Variants in ZNF385D observed in about 807,000 individuals in gnomAD.
ZNF385D encodes zinc finger protein 659.
Under a neutral mutation model 35.8 loss-of-function variants are expected in ZNF385D, and 15 were observed. The ratio of observed to expected loss-of-function variants is 0.42; its 90% CI spans 0.28 to 0.64. ZNF385D has a LOEUF of 0.64. Ranked by LOEUF, ZNF385D falls within the 30% of genes least tolerant of loss-of-function variation. ZNF385D has a pLI of 0.23. For synonymous variants in ZNF385D, 212 were observed against 186.8 expected (o/e 1.13, Z -1.10); for missense variants, 474 against 494.6 (o/e 0.96, Z 0.39).
At chr3:21,707,732 T>G (rs2067959723) in intron 1 of ZNF385D, among the ~76,000 whole-genome samples, 2 of 152,250 alleles carry the variant, frequency 1.3e-5, no homozygotes, top group South Asian at 4.1e-4. Flanking sequence ...CACTTGAGAA[T>G]GTACCAGTTT....
intron 3 of ZNF385D, among the ~76,000 whole-genome samples, chr3:22,088,640 C>G (rs559168625): frequency 3.0e-4 from 45 of 152,218 alleles, no homozygotes; most frequent in African/African-American, 9.9e-4. Context: ...GTGCCAGAAC[C>G]TTGGATGGAG....
At position 21,539,499 on chromosome 3, in the gene ZNF385D, C is replaced by T. The variant is rs149267; in HGVS notation, c.276+25075G>A. On this transcript the variant is annotated intron_variant, in intron 3 of 7. Coordinates refer to ENST00000281523, the MANE Select transcript of ZNF385D (RefSeq NM_024697.3). This position sits in a 1 kb window ranked among gnomAD's most constrained non-coding sequence, Gnocchi z 4.0. ...TAGGCCTTTTAATAGAAGGACATGA[C>T]TTCTAATTAAATCCACATTATTCAG... Among the ~76,000 whole-genome samples the T allele has an allele frequency of 0.2, 30,042 of 151,940 alleles. 3,252 individuals are homozygous for T. Among genetic ancestry groups the T allele is most frequent in the African/African-American group, 0.28 (11,641 of 41,422 alleles).
At chr3:22,060,795 G>T (rs1432021383) in intron 3 of ZNF385D, among the ~76,000 whole-genome samples, 1 of 151,910 alleles carries the variant, frequency 6.6e-6, no homozygotes, top group Non-Finnish European at 1.5e-5. Context: ...CCACGCAAGG[G>T]TTTCTGAATA....
At chr3:21,791,114 G>C (rs1197725961) in intron 3 of ZNF385D, among the ~76,000 whole-genome samples, 2 of 152,158 alleles carry the variant, frequency 1.3e-5, no homozygotes, top group African/African-American at 4.8e-5. Flanking sequence ...TTCATGAGAA[G>C]TAAATGCCTT....
At chr3:22,215,239 C>G (rs1697794811) in intron 2 of ZNF385D, among the ~76,000 whole-genome samples, 1 of 151,832 alleles carries the variant, frequency 6.6e-6, no homozygotes, top group South Asian at 2.1e-4. Flanking sequence ...AATCTGGGCA[C>G]CTTGAAAAAA....
intron 2 of ZNF385D, among the ~76,000 whole-genome samples, chr3:21,615,981 G>C (rs1271704735): frequency 1.3e-5 from 2 of 151,964 alleles, no homozygotes; most frequent in Non-Finnish European, 2.9e-5. Flanking sequence ...TTAATGAATA[G>C]AAAAATTAAG....
intron 2 of ZNF385D, among the ~76,000 whole-genome samples, chr3:22,253,928 A>G (rs1439431583): frequency 1.3e-5 from 2 of 152,000 alleles, no homozygotes; most frequent in East Asian, 1.9e-4. Context: ...AAAAAATAAC[A>G]TTAAATTCAT....
chr3:21,725,779 T>C (rs1325350489), intron 1 of ZNF385D, among the ~76,000 whole-genome samples: 3 of 152,144 alleles, frequency 2.0e-5, no homozygotes, highest in African/African-American at 7.2e-5. Context: ...CCATTCCTTC[T>C]GAAACTATTC....
chr3:21,726,853 C>T (rs557885241), intron 1 of ZNF385D, among the ~76,000 whole-genome samples: 122 of 152,118 alleles, frequency 8.0e-4, no homozygotes, highest in African/African-American at 2.5e-3. Context: ...AAAAAGAGCC[C>T]GCATAGCCAA....
chr3:21,570,892 A>G (rs185833880), intron 2 of ZNF385D, among the ~76,000 whole-genome samples: 2 of 152,296 alleles, frequency 1.3e-5, no homozygotes, highest in East Asian at 3.9e-4. Flanking sequence ...ATTGACTTTG[A>G]CTTAGTAAAA....
chr3:21,737,021 C>T (rs145067183), intron 1 of ZNF385D, among the ~76,000 whole-genome samples: 3 of 152,138 alleles, frequency 2.0e-5, no homozygotes, highest in Admixed American at 6.5e-5. Context: ...CTCACTGCAA[C>T]CTCTGCCTCC....
At chr3:21,676,327 C>G (rs1310772267) in intron 1 of ZNF385D, among the ~76,000 whole-genome samples, 1 of 152,092 alleles carries the variant, frequency 6.6e-6, no homozygotes, top group Non-Finnish European at 1.5e-5. Flanking sequence ...CTGACTTGAG[C>G]TCTGTTTAGT....
intron 2 of ZNF385D, among the ~76,000 whole-genome samples, chr3:22,285,365 C>A (rs1420001285): frequency 8.5e-5 from 13 of 152,082 alleles, no homozygotes; most frequent in Non-Finnish European, 1.8e-4. Context: ...TTATCTATTA[C>A]AAATGACAAA....
intron 3 of ZNF385D, among the ~76,000 whole-genome samples, chr3:22,140,274 A>G (rs1457950781): frequency 6.6e-6 from 1 of 152,206 alleles, no homozygotes; most frequent in Non-Finnish European, 1.5e-5. Context: ...TTGATAACAC[A>G]ACATAGATCT....
chr3:22,030,925 T>G (rs1697959480), intron 3 of ZNF385D, among the ~76,000 whole-genome samples: 1 of 152,140 alleles, frequency 6.6e-6, no homozygotes, highest in African/African-American at 2.4e-5. Flanking sequence ...CCATTCCAAA[T>G]GAAAGAGATT....
At chr3:21,484,510 G>A (rs1704881254) in intron 4 of ZNF385D, among the ~76,000 whole-genome samples, 1 of 152,146 alleles carries the variant, frequency 6.6e-6, no homozygotes, top group Non-Finnish European at 1.5e-5. Flanking sequence ...AGTGCCCCCT[G>A]CTGACAAAGG....
chr3:21,478,843 C>T (rs1292881712), intron 4 of ZNF385D, among the ~76,000 whole-genome samples: 1 of 151,978 alleles, frequency 6.6e-6, no homozygotes, highest in Non-Finnish European at 1.5e-5. Context: ...AGAAAGATAA[C>T]TTATTTTTTC....
intron 3 of ZNF385D, among the ~76,000 whole-genome samples, chr3:21,758,571 G>A (rs1323433445): frequency 5.9e-5 from 9 of 152,250 alleles, no homozygotes; most frequent in South Asian, 2.1e-4. Flanking sequence ...AAAACAGAAC[G>A]TTCAGGCAGA....
At chr3:21,660,125 AT>A (rs2066192925) in intron 2 of ZNF385D, among the ~76,000 whole-genome samples, 1 of 151,442 alleles carries the variant, frequency 6.6e-6, no homozygotes, top group African/African-American at 2.4e-5. Flanking sequence ...CTCTCTCTTT[AT>A]CCCCCTCTCT....
Sources: gnomAD v4.1 joint callset for allele counts (sites outside exome capture counted in the v4.1 genomes callset) on GRCh38, gnomAD v4.1.1 for gene constraint, Gnocchi (gnomAD v3.1) non-coding constraint, MANE v1.5 for transcripts, NCBI Gene and HGNC (gene_info 2026-07-23, HGNC 2026-07-21) for gene names.